The following DAB1 variants were observed in gnomAD, a reference collection of about 807,000 sequenced individuals.
DAB1 encodes the protein DAB adaptor protein 1.
A neutral mutation model predicts 64.6 loss-of-function variants in DAB1; 15 were observed. That is an observed-to-expected ratio of 0.23 (90% CI 0.16 to 0.36). The LOEUF is 0.36. Among genes scored for constraint, DAB1 ranks in the 10% least tolerant of loss-of-function variants. The pLI, the probability that DAB1 is intolerant of heterozygous loss-of-function variation, is 1.00. For synonymous variants in DAB1, 235 were observed against 251.9 expected (o/e 0.93, Z 0.64); for missense variants, 596 against 706.7 (o/e 0.84, Z 1.78).
chr1:58,177,157 C>T (rs1390293424), intron 4 of DAB1, among the ~76,000 whole-genome samples: 3 of 152,092 alleles, frequency 2.0e-5, no homozygotes, highest in South Asian at 4.2e-4. Flanking sequence ...CAGAATCACA[C>T]AGCTGGCAGG....
intron 4 of DAB1, among the ~76,000 whole-genome samples, chr1:58,198,554 G>A (rs1385115552): frequency 6.6e-6 from 1 of 152,070 alleles, no homozygotes; most frequent in South Asian, 2.1e-4. Flanking sequence ...GCCTTCCTTT[G>A]GTACATCAGT....
At position 57,547,545 on chromosome 1, in the gene DAB1, C is replaced by T. The variant is rs1318784486; in HGVS notation, n.625+102047G>A. 2.0e-5 allele frequency among the ~76,000 whole-genome samples: 3 copies of T among 152,256 alleles called. 1 individual carries two copies. In the South Asian group the frequency reaches 6.2e-4, roughly 32 times the overall value. ...TAAGCAAAGTTGACAGCTGATGTTACCAAACCACAGTGGTCTCACTTCATT... is the reference window on the plus strand; with the variant it reads ...TAAGCAAAGTTGACAGCTGATGTTATCAAACCACAGTGGTCTCACTTCATT... On this transcript the variant is annotated intron_variant and non_coding_transcript_variant, in intron 7 of 20. Coordinates refer to the DAB1 transcript ENST00000485760.
intron 7 of DAB1, among the ~76,000 whole-genome samples, chr1:57,481,243 A>G (rs548722770): frequency 6.6e-6 from 1 of 152,302 alleles, no homozygotes; most frequent in Non-Finnish European, 1.5e-5. Flanking sequence ...GATGCAAAAG[A>G]TAGGGAGCTA....
At chr1:57,101,898 G>A (rs1334079727) in intron 4 of DAB1, among the ~76,000 whole-genome samples, 2 of 152,128 alleles carry the variant, frequency 1.3e-5, no homozygotes, top group Non-Finnish European at 2.9e-5. Context: ...TTACAGATGA[G>A]GACACTGAGG....
At chr1:58,499,314 CAAAAAAAAAAA>C (rs58217798) in intron 3 of DAB1, among the ~76,000 whole-genome samples, 2 of 69,744 alleles carry the variant, frequency 2.9e-5, no homozygotes, top group African/African-American at 4.9e-5. Context: ...CACATCTCTA[CAAAAAAAAAAA>C]AAAAAAAAAA....
chr1:57,159,848 C>A (rs1010413735), intron 2 of DAB1, among the ~76,000 whole-genome samples: 2 of 70,308 alleles, frequency 2.8e-5, no homozygotes, highest in African/African-American at 9.0e-5. Context: ...AAGGTAGAAG[C>A]AGCAAGACAA....
In DAB1 at chr1:57,262,327, T is replaced by C. The variant is rs575466942; in HGVS notation, c.67+28637A>G. ...ACTGAAATCACATCAACTCCAATCA[T>C]TAGGCAAAACAGTCAAAGAAGAGTT... On this transcript the variant is annotated intron_variant, in intron 2 of 14. Coordinates refer to ENST00000371236, the MANE Select transcript of DAB1 (RefSeq NM_001365792.1). Among the ~76,000 whole-genome samples the C allele has an allele frequency of 1.8e-3, 270 of 152,344 alleles. 1 individual carries two copies. Among genetic ancestry groups the C allele is most frequent in the African/African-American group, 6.2e-3 (257 of 41,582 alleles).
intron 6 of DAB1, among the ~76,000 whole-genome samples, chr1:57,741,301 A>G (rs887758947): frequency 2.6e-5 from 4 of 152,208 alleles, no homozygotes; most frequent in Admixed American, 6.5e-5. Flanking sequence ...AATAAAATGT[A>G]TTGAATGTTT....
intron 4 of DAB1, among the ~76,000 whole-genome samples, chr1:58,256,446 G>A (rs188220424): frequency 4.9e-4 from 75 of 152,322 alleles, no homozygotes; most frequent in African/African-American, 1.6e-3. Flanking sequence ...AGAAGGAGAA[G>A]AGATACAGAG....
In DAB1 at chr1:57,221,123, C is replaced by T. The variant is rs573288569; in HGVS notation, c.67+69841G>A. On this transcript the variant is annotated intron_variant, in intron 2 of 14. Coordinates refer to ENST00000371236, the MANE Select transcript of DAB1 (RefSeq NM_001365792.1). ...AGACATGGATGAAGCTGGAAACCAT[C>T]ACTCTCAGCAAACTATTGCAGGGAC... Among the ~76,000 whole-genome samples, 6 of 152,216 alleles carry T rather than the reference C, an allele frequency of 3.9e-5. No individual in the cohort carries two copies. The South Asian group carries it at 1.2e-3, about 32-fold the overall frequency.
chr1:57,095,560 C>T lies in DAB1; in HGVS notation c.307-23146G>A, dbSNP rs529325480. Among the ~76,000 whole-genome samples the T allele has an allele frequency of 3.2e-4, 49 of 152,284 alleles. 1 individual carries two copies. The South Asian group carries it at 5.8e-3, about 18-fold the overall frequency. ...CCAAGTCTCAGTTACTTTGGGTTGA[C>T]GATTAACGGCATCATATATATGAAG... On this transcript the variant is annotated intron_variant, in intron 4 of 14. Coordinates refer to ENST00000371236, the MANE Select transcript of DAB1 (RefSeq NM_001365792.1).
At chr1:57,130,236 T>C (rs1036796059) in intron 4 of DAB1, among the ~76,000 whole-genome samples, 1 of 152,150 alleles carries the variant, frequency 6.6e-6, no homozygotes, top group East Asian at 1.9e-4. Context: ...CACCTCGAGC[T>C]TTTTATTTTA....
chr1:57,604,408 G>GAA (rs34728915), intron 7 of DAB1, among the ~76,000 whole-genome samples: 335 of 140,048 alleles, frequency 2.4e-3, no homozygotes, highest in Middle Eastern at 0.015. Flanking sequence ...TATTATAAAA[G>GAA]AAAAAAAAAA....
intron 1 of DAB1, among the ~76,000 whole-genome samples, chr1:57,850,996 C>A (rs1193422783): frequency 6.6e-6 from 1 of 152,200 alleles, no homozygotes; most frequent in African/African-American, 2.4e-5. Context: ...AAGGCTCTCT[C>A]AAGACCCAAT....
intron 1 of DAB1, among the ~76,000 whole-genome samples, chr1:57,422,606 G>A (rs1406072191): frequency 2.0e-5 from 3 of 151,542 alleles, no homozygotes; most frequent in Non-Finnish European, 4.4e-5. Context: ...CAAGAGCGGA[G>A]CGGTAGCCAA....
At chr1:58,386,654 C>G (rs910309818) in intron 3 of DAB1, among the ~76,000 whole-genome samples, 1 of 152,146 alleles carries the variant, frequency 6.6e-6, no homozygotes, top group Non-Finnish European at 1.5e-5. Context: ...CCTCAGTTTC[C>G]GCTTTTGTAA....
chr1:57,730,522 A>AG (rs1342010225), intron 6 of DAB1, among the ~76,000 whole-genome samples: 1 of 149,172 alleles, frequency 6.7e-6, no homozygotes, highest in African/African-American at 2.5e-5. Flanking sequence ...TCCAAACTTA[A>AG]GGGGGCCTGA....
chr1:57,343,549 G>C (rs1259365074), intron 1 of DAB1, among the ~76,000 whole-genome samples: 1 of 152,212 alleles, frequency 6.6e-6, no homozygotes, highest in East Asian at 1.9e-4. Context: ...CACGGAGGTC[G>C]GGGGAGGCTC....
chr1:57,139,451 A>G (rs1032087806), intron 3 of DAB1, among the ~76,000 whole-genome samples: 5 of 152,138 alleles, frequency 3.3e-5, no homozygotes, highest in Non-Finnish European at 7.4e-5. Flanking sequence ...TGTTTTTTAT[A>G]AATTACCCAG....
Sources: allele counts gnomAD v4.1 joint callset (sites outside exome capture counted in the v4.1 genomes callset), GRCh38; gene constraint gnomAD v4.1.1; transcripts MANE v1.5; gene names NCBI Gene and HGNC (gene_info 2026-07-23, HGNC 2026-07-21).